Variants in SULF2 observed in about 807,000 individuals in gnomAD.
SULF2 encodes sulfatase 2, also known as extracellular sulfatase Sulf-2.
In SULF2, 52 loss-of-function variants were observed where a neutral mutation model predicts 107.7. The observed-to-expected ratio is 0.48, with a 90% confidence interval of 0.39 to 0.61. The LOEUF (loss-of-function observed/expected upper bound fraction) is 0.61. Among genes scored for constraint, SULF2 ranks in the 20% least tolerant of loss-of-function variants. The pLI, the probability that SULF2 is intolerant of heterozygous loss-of-function variation, is 0.00. For missense variants in SULF2, 993 were observed against 1,177.3 expected (o/e 0.84, Z 2.29); for synonymous variants, 460 against 464.3 (o/e 0.99, Z 0.12).
intron 1 of SULF2, among the ~76,000 whole-genome samples, chr20:47,764,853 G>A (rs1027776788): frequency 2.0e-5 from 3 of 152,186 alleles, no homozygotes; most frequent in Non-Finnish European, 4.4e-5. Flanking sequence ...AACATCAGGG[G>A]CCCTGCACAA....
At chr20:47,783,159 G>A (rs1055579253) in intron 1 of SULF2, among the ~76,000 whole-genome samples, 2 of 152,176 alleles carry the variant, frequency 1.3e-5, no homozygotes, top group African/African-American at 4.8e-5. Flanking sequence ...CTCAGATCAG[G>A]CCCATACAAA....
Position 47,659,685 on chromosome 20 carries a change from A to G in SULF2, c.2528+12T>C. On this transcript the variant is annotated intron_variant, in intron 19 of 20. Coordinates refer to ENST00000688720, the MANE Select transcript of SULF2 (RefSeq NM_001387048.1). The stretch of plus-strand genomic sequence containing the variant: ...AGAACTTTGTTTAGGCTTTAATAAT[A>G]AAACGAAATACCTGTATTGCTCATA... 6.2e-7 allele frequency: 1 copy of G among 1,609,622 alleles called. No individual in the cohort carries two copies. The highest frequency in any genetic ancestry group is 8.5e-7 in the Non-Finnish European group (1 of 1,176,224).
At chr20:47,761,501 T>C (rs1445139788) in intron 1 of SULF2, among the ~76,000 whole-genome samples, 2 of 152,198 alleles carry the variant, frequency 1.3e-5, no homozygotes, top group African/African-American at 4.8e-5. Flanking sequence ...CAAAGATAAA[T>C]GGAAAGTGGA....
chr20:47,669,999 TGTAAC>T (rs2087408433), intron 11 of SULF2, among the ~76,000 whole-genome samples: 1 of 152,054 alleles, frequency 6.6e-6, no homozygotes, highest in Non-Finnish European at 1.5e-5. Flanking sequence ...GGTGAGGAAA[TGTAAC>T]GGAGGGTCAT....
intron 2 of SULF2, among the ~76,000 whole-genome samples, chr20:47,745,401 AAAAAAAAAAATATATATATATATAT>A (rs2089997475): frequency 5.2e-5 from 2 of 38,788 alleles, no homozygotes; most frequent in South Asian, 1.0e-3. Context: ...AAAAAAAAAA[AAAAAAAAAAATATATATATATATAT>A]ATATATATAT....
rs370951496 is a variant in SULF2 at position 47,683,035 on chromosome 20, G to A, written c.1023C>T (p.Val341=). 3 of 1,613,238 alleles carry A rather than the reference G, an allele frequency of 1.9e-6. No homozygotes were observed. Among genetic ancestry groups the A allele is most frequent in the African/African-American group, 1.3e-5 (1 of 75,000 alleles). The part of the protein sequence containing the change: ...KSMPYEFDIR[V]PFYVRGPNVE... ...CGTTGGGGCCCCTCACGTAGAACGG[G>A]ACCCTGATGTCAAACTCATATGGCA... is the stretch of plus-strand genomic sequence containing the variant. Residue 341 remains valine, a synonymous_variant, in exon 7 of 21, where the codon GTC becomes GTT. Transcript: ENST00000688720.
At chr20:47,675,241 G>C (rs374696958) in intron 10 of SULF2, among the ~76,000 whole-genome samples, 2 of 152,100 alleles carry the variant, frequency 1.3e-5, no homozygotes, top group African/African-American at 4.8e-5. Flanking sequence ...CTGGGATCTC[G>C]GTACAAAGTC....
chr20:47,713,999 T>C (rs746767632), intron 3 of SULF2, among the ~76,000 whole-genome samples: 2 of 151,290 alleles, frequency 1.3e-5, no homozygotes, highest in East Asian at 2.0e-4. Context: ...ATGACACACA[T>C]CTATCAGCAG....
chr20:47,747,877 C>G (rs2090079131), intron 2 of SULF2, among the ~76,000 whole-genome samples: 1 of 152,154 alleles, frequency 6.6e-6, no homozygotes, highest in African/African-American at 2.4e-5. Context: ...AAAGCAAACC[C>G]TGCCGACCTT....
intron 2 of SULF2, among the ~76,000 whole-genome samples, chr20:47,745,440 T>C (rs1296611466): frequency 3.2e-4 from 4 of 12,506 alleles, no homozygotes; most frequent in Non-Finnish European, 5.0e-4. Context: ...TATATATATA[T>C]ATATATATAT....
intron 1 of SULF2, among the ~76,000 whole-genome samples, chr20:47,769,952 A>G (rs2090597860): frequency 6.6e-6 from 1 of 151,692 alleles, no homozygotes; most frequent in Non-Finnish European, 1.5e-5. Context: ...TGAGGTAGGA[A>G]GATGCCTGAG....
chr20:47,728,792 T>C (rs2089517239), intron 3 of SULF2, among the ~76,000 whole-genome samples: 1 of 152,098 alleles, frequency 6.6e-6, no homozygotes, highest in African/African-American at 2.4e-5. Context: ...ATTACAGGCT[T>C]GCGCCACCAC....
At chr20:47,713,013 C>A (rs4810664) in intron 3 of SULF2, among the ~76,000 whole-genome samples, 43,366 of 151,140 alleles carry the variant, frequency 0.29, 6,732 homozygotes, top group South Asian at 0.41. Flanking sequence ...TGCACTCCAG[C>A]CTGGGTAACA....
chr20:47,673,981 C>G (rs941641552), intron 10 of SULF2, among the ~76,000 whole-genome samples: 2 of 152,270 alleles, frequency 1.3e-5, no homozygotes, highest in Non-Finnish European at 2.9e-5. Flanking sequence ...TCCAACCCAA[C>G]AAACTCAGCT....
At chr20:47,739,890 A>T (rs745453850) in intron 2 of SULF2, among the ~76,000 whole-genome samples, 14 of 152,192 alleles carry the variant, frequency 9.2e-5, no homozygotes, top group Non-Finnish European at 2.1e-4. Flanking sequence ...AGTGGGTTTT[A>T]AAAATGTGAC....
intron 2 of SULF2, among the ~76,000 whole-genome samples, chr20:47,753,393 C>G (rs1568904518): frequency 6.6e-6 from 1 of 152,214 alleles, no homozygotes; most frequent in Admixed American, 6.5e-5. Context: ...TAGTCTCTAT[C>G]CTGCTGATGA....
intron 3 of SULF2, among the ~76,000 whole-genome samples, chr20:47,731,183 T>TTTTTTTTTTTTTTTTTTTTA (rs1568871586): frequency 2.7e-5 from 3 of 112,490 alleles, no homozygotes; most frequent in African/African-American, 1.2e-4. Flanking sequence ...CACCTGTATC[T>TTTTTTTTTTTTTTTTTTTTA]TCTCTTTTTT....
At chr20:47,714,020 G>A (rs968466109) in intron 3 of SULF2, among the ~76,000 whole-genome samples, 7 of 152,138 alleles carry the variant, frequency 4.6e-5, no homozygotes, top group African/African-American at 1.7e-4. Context: ...AGATGGGCTG[G>A]AGCGCGGAGC....
At chr20:47,696,412 C>A (rs1050760397) in intron 4 of SULF2, among the ~76,000 whole-genome samples, 2 of 152,060 alleles carry the variant, frequency 1.3e-5, no homozygotes, top group Admixed American at 6.6e-5. Flanking sequence ...ACCCCCCCAC[C>A]CCCATAACCT....
Sources: allele counts gnomAD v4.1 joint callset (sites outside exome capture counted in the v4.1 genomes callset), GRCh38; gene constraint gnomAD v4.1.1; transcripts MANE v1.5; gene names NCBI Gene and HGNC (gene_info 2026-07-23, HGNC 2026-07-21).